The following ZNF474 variants were observed in gnomAD, a reference collection of about 807,000 sequenced individuals.
The protein encoded by ZNF474 is 4933409D10Rik.
For synonymous variants in ZNF474, 192 were observed against 162.2 expected (o/e 1.18, Z -1.39); for missense variants, 511 against 433.8 (o/e 1.18, Z -1.58).
intron 1 of ZNF474, among the ~76,000 whole-genome samples, chr5:122,133,100 G>A (rs931372736): frequency 6.6e-6 from 1 of 151,932 alleles, no homozygotes; most frequent in African/African-American, 2.4e-5. Context: ...TCTTATTCAG[G>A]AATCATAATC....
intron 1 of ZNF474, among the ~76,000 whole-genome samples, chr5:122,141,667 T>C (rs1467417727): frequency 6.6e-6 from 1 of 152,138 alleles, no homozygotes; most frequent in Non-Finnish European, 1.5e-5. Flanking sequence ...CTTGAACTCC[T>C]GACTCAAGTG....
At chr5:122,142,999 C>A (rs766884638) in intron 1 of ZNF474, among the ~76,000 whole-genome samples, 1 of 152,098 alleles carries the variant, frequency 6.6e-6, no homozygotes, top group Non-Finnish European at 1.5e-5. Flanking sequence ...TCAGAAACAG[C>A]TTTGGGTGGA....
intron 1 of ZNF474, among the ~76,000 whole-genome samples, chr5:122,145,083 A>G (rs1247420033): frequency 6.6e-6 from 1 of 152,232 alleles, no homozygotes; most frequent in East Asian, 1.9e-4. Flanking sequence ...CTAACACCAT[A>G]GACTATTATG....
At chr5:122,144,636 A>G (rs982321579) in intron 1 of ZNF474, among the ~76,000 whole-genome samples, 5 of 152,260 alleles carry the variant, frequency 3.3e-5, no homozygotes, top group African/African-American at 4.8e-5. Flanking sequence ...GCCAATGCTT[A>G]AACAATATTG....
chr5:122,146,662 G>T (rs912456909), intron 1 of ZNF474, among the ~76,000 whole-genome samples: 1 of 152,086 alleles, frequency 6.6e-6, no homozygotes, highest in Non-Finnish European at 1.5e-5. Context: ...TCTTAAAAAT[G>T]GCTAAAATAA....
At position 122,152,940 on chromosome 5, in the gene ZNF474, AT is replaced by A. The variant is rs3217313; in HGVS notation, c.953del (p.Leu318Ter). 0.069 allele frequency: 111,447 copies of A among 1,613,876 alleles called. 8,325 individuals are homozygous for A. The highest frequency in any genetic ancestry group is 0.37 in the African/African-American group (27,518 of 74,924). ...KTHPYGPKYQ[N>X]LNLGSKGGLK... ...CATCCTTATGGGCCAAAATATCAGAATTTGAATTTAGGGAGTAAAGGAGGCC... is the reference window on the plus strand; with the variant it reads ...CATCCTTATGGGCCAAAATATCAGAATTGAATTTAGGGAGTAAAGGAGGCC... On this transcript the variant is annotated frameshift_variant, in exon 2 of 2. Transcript: ENST00000296600. LOFTEE classifies it low-confidence loss of function (END_TRUNC).
intron 1 of ZNF474, 74 bp from the exon 2 acceptor site, chr5:122,151,705 A>ATGTGTGTGTGTG (rs145270704): frequency 1.5e-5 from 3 of 206,000 alleles, no homozygotes; most frequent in Admixed American, 5.5e-5. Context: ...AACAACCTAA[A>ATGTGTGTGTGTG]TGTGTGTGTG....
intron 1 of ZNF474, among the ~76,000 whole-genome samples, chr5:122,145,921 TC>T (rs1284445670): frequency 6.6e-6 from 1 of 152,166 alleles, no homozygotes; most frequent in Non-Finnish European, 1.5e-5. Flanking sequence ...GAGTTGAAAC[TC>T]AGATCTCCAA....
intron 1 of ZNF474, among the ~76,000 whole-genome samples, chr5:122,143,419 G>C (rs1328075983): frequency 6.6e-6 from 1 of 152,098 alleles, no homozygotes; most frequent in African/African-American, 2.4e-5. Flanking sequence ...ATGGGGGCTG[G>C]CAAACATATG....
intron 1 of ZNF474, among the ~76,000 whole-genome samples, chr5:122,151,451 C>T (rs1756169180): frequency 6.6e-6 from 1 of 152,064 alleles, no homozygotes; most frequent in Non-Finnish European, 1.5e-5. Flanking sequence ...ATGGTCTCAC[C>T]ACCCTGGTCT....
chr5:122,150,698 ACTC>A (rs1412307779), intron 1 of ZNF474, among the ~76,000 whole-genome samples: 3 of 152,110 alleles, frequency 2.0e-5, no homozygotes, highest in Admixed American at 1.3e-4. Flanking sequence ...GGTAAAATTT[ACTC>A]ATAACTTTTC....
intron 1 of ZNF474, among the ~76,000 whole-genome samples, chr5:122,143,726 A>G (rs1361969781): frequency 2.0e-5 from 3 of 152,156 alleles, no homozygotes; most frequent in African/African-American, 4.8e-5. Context: ...AATCTTTACA[A>G]TCCAACTATG....
chr5:122,136,297 T>A (rs1319428701), intron 1 of ZNF474, among the ~76,000 whole-genome samples: 1 of 152,130 alleles, frequency 6.6e-6, no homozygotes, highest in Non-Finnish European at 1.5e-5. Context: ...TAATTAAAAA[T>A]TTAAAAAAGA....
intron 1 of ZNF474, 32 bp from the exon 2 acceptor site, chr5:122,151,747 T>A: frequency 2.6e-6 from 1 of 386,390 alleles, no homozygotes; most frequent in Non-Finnish European, 4.6e-6. Flanking sequence ...GTTTACATAA[T>A]AACTTCTTAT....
chr5:122,144,396 G>C (rs1281024743), intron 1 of ZNF474, among the ~76,000 whole-genome samples: 1 of 152,114 alleles, frequency 6.6e-6, no homozygotes. Context: ...AAGAGTAAAG[G>C]CTGGCTCTCT....
intron 1 of ZNF474, among the ~76,000 whole-genome samples, chr5:122,146,509 A>T (rs1233638635): frequency 6.6e-6 from 1 of 151,802 alleles, no homozygotes; most frequent in African/African-American, 2.4e-5. Flanking sequence ...CTGCGCCCAA[A>T]CCTCTACTCC....
chr5:122,152,880 A>T lies in ZNF474; in HGVS notation c.890A>T (p.Asp297Val), dbSNP rs755214942. 6.2e-7 allele frequency: 1 copy of T among 1,613,988 alleles called. No individual in the cohort carries two copies. The highest frequency in any genetic ancestry group is 8.5e-7 in the Non-Finnish European group (1 of 1,180,042). The change falls in exon 2 of 2, where the codon GAC (aspartate) becomes GTC (valine). Residue 297 changes from aspartate to valine, a missense_variant. Coordinates refer to ENST00000296600, the MANE Select transcript of ZNF474 (RefSeq NM_207317.3). ...CPHCSRIFTS[D>V]RLLVHQRSCK... is the part of the protein sequence containing the mutation. ...CATTGTAGCCGAATCTTTACCTCAG[A>T]CCGCCTCCTGGTACACCAGAGAAGT...
At position 122,153,044 on chromosome 5, in the gene ZNF474, C is replaced by A; in HGVS notation, c.1054C>A (p.Gln352Lys). 1 of 1,613,992 alleles carries A rather than the reference C, an allele frequency of 6.2e-7. No homozygotes were observed. Among genetic ancestry groups the A allele is most frequent in the South Asian group, 1.1e-5 (1 of 91,046 alleles). Residue 352 changes from glutamine to lysine, a missense_variant, in exon 2 of 2, where the codon CAA (glutamine) becomes AAA (lysine). Transcript: ENST00000296600. Reference protein sequence around the residue: ...SVTDKVIHATQDALGEPGGAL... With the variant: ...SVTDKVIHATKDALGEPGGAL... The stretch of plus-strand genomic sequence containing the variant: ...AACTGATAAGGTAATTCATGCCACA[C>A]AAGACGCATTAGGTGAACCTGGTGG...
chr5:122,151,845 C>T lies in ZNF474; in HGVS notation c.-146C>T. 2.1e-6 allele frequency: 2 copies of T among 950,754 alleles called. No homozygotes were observed. Among genetic ancestry groups the T allele is most frequent in the Non-Finnish European group, 3.1e-6 (2 of 647,468 alleles). 58.9% of individuals were successfully genotyped at this position (950,754 alleles called of 1,614,324 possible). A position where few individuals can be genotyped will look rare whatever the true frequency, so the allele number is the denominator to read the frequency against. On this transcript the variant is annotated 5_prime_UTR_variant, in exon 2 of 2. Transcript: ENST00000296600. The stretch of plus-strand genomic sequence containing the variant: ...TCCAGACTGCCGTCCTGCAATGAAG[C>T]TCTGAGTCACGGTCTGTGAGGCTAA...
Sources: allele counts gnomAD v4.1 joint callset (sites outside exome capture counted in the v4.1 genomes callset), GRCh38; gene constraint gnomAD v4.1.1; transcripts MANE v1.5; gene names NCBI Gene and HGNC (gene_info 2026-07-23, HGNC 2026-07-21).